The following MYO10 variants were observed in gnomAD, a reference collection of about 807,000 sequenced individuals.
MYO10 encodes the protein unconventional myosin-X.
Under a neutral mutation model 257.3 loss-of-function variants are expected in MYO10, and 133 were observed. The ratio of observed to expected loss-of-function variants is 0.52; its 90% CI spans 0.45 to 0.60. The LOEUF (loss-of-function observed/expected upper bound fraction) is 0.60. Among genes scored for constraint, MYO10 ranks in the 20% least tolerant of loss-of-function variants. MYO10 has a pLI of 0.00. For synonymous variants in MYO10, 1,104 were observed against 1,028.6 expected, an observed-to-expected ratio of 1.07 and a Z score of -1.40; for missense variants, 2,399 against 2,635.7, an observed-to-expected ratio of 0.91 and a Z score of 1.97.
intron 1 of MYO10, among the ~76,000 whole-genome samples, chr5:16,878,998 G>GA (rs921546797): frequency 6.2e-5 from 9 of 144,602 alleles, no homozygotes; most frequent in South Asian, 2.2e-4. Context: ...AAAAAAAAAA[G>GA]AAAAAAAAAG....
chr5:16,876,936 AG>A (rs1365979382), intron 2 of MYO10, among the ~76,000 whole-genome samples: 1 of 152,192 alleles, frequency 6.6e-6, no homozygotes, highest in African/African-American at 2.4e-5. Context: ...GGTCTTTGGC[AG>A]GTGACTTGGT....
intron 15 of MYO10, 30 bp downstream of exon 15, chr5:16,762,515 T>C (rs372498004): frequency 2.4e-5 from 36 of 1,523,858 alleles, no homozygotes; most frequent in Non-Finnish European, 2.9e-5. Context: ...GCTACTCCAA[T>C]GTGATGAAGA....
At chr5:16,833,580 T>C (rs1190192666) in intron 2 of MYO10, among the ~76,000 whole-genome samples, 5 of 152,184 alleles carry the variant, frequency 3.3e-5, no homozygotes, top group Non-Finnish European at 5.9e-5. Context: ...TTTTCAGAGA[T>C]AAGATTTTGG....
intron 3 of MYO10, among the ~76,000 whole-genome samples, chr5:16,810,600 C>T (rs983413): frequency 0.12 from 17,514 of 152,088 alleles, 1,159 homozygotes; most frequent in South Asian, 0.27. Context: ...TCAAGATCAT[C>T]CTGGACAACA....
intron 3 of MYO10, among the ~76,000 whole-genome samples, chr5:16,813,174 C>T (rs1056439663): frequency 2.6e-5 from 4 of 151,966 alleles, no homozygotes; most frequent in Non-Finnish European, 2.9e-5. Flanking sequence ...AACATCCAGA[C>T]GCCAGCAGGG....
chr5:16,699,344 C>G, intron 26 of MYO10, 106 bp downstream of exon 26: 2 of 1,419,806 alleles, frequency 1.4e-6, no homozygotes, highest in Non-Finnish European at 1.9e-6. Flanking sequence ...TCCATCAGCC[C>G]AGATACAATA....
rs777683916 is a variant in MYO10, at chr5:16,701,391, C to T, written c.3004G>A (p.Asp1002Asn). 1.4e-5 allele frequency: 22 copies of T among 1,613,880 alleles called. No homozygotes were observed. Among genetic ancestry groups the T allele is most frequent in the South Asian group, 3.3e-5 (3 of 91,084 alleles). ...GGGTTGGGGGAGTCCTTGAAGGCGT[C>T]GTCGTCGGCTTCGAAGCCCTCATCG... ...EVDEGFEADD[D>N]AFKDSPNPSE... is the part of the protein sequence containing the mutation. The change falls in exon 25 of 41, where the codon GAC becomes AAC. Residue 1002 changes from aspartate to asparagine, a missense_variant. Physicochemically the swap from Asp to Asn is conservative, Grantham distance 23. Transcript: ENST00000513610. This position sits in a 1 kb window ranked among gnomAD's most constrained non-coding sequence, Gnocchi z 8.1.
intron 2 of MYO10, among the ~76,000 whole-genome samples, chr5:16,819,200 T>C (rs189017070): frequency 6.6e-6 from 1 of 152,192 alleles, no homozygotes; most frequent in Non-Finnish European, 1.5e-5. Context: ...AAAATAAAAT[T>C]GGTTTTTTTG....
In MYO10 at chr5:16,699,431, A is replaced by G. The variant is rs368203674; in HGVS notation, c.3556+19T>C. 1.9e-6 allele frequency: 3 copies of G among 1,612,388 alleles called. No homozygotes were observed. Among genetic ancestry groups the G allele is most frequent in the African/African-American group, 1.3e-5 (1 of 74,892 alleles). On this transcript the variant is annotated intron_variant, in intron 26 of 40. Coordinates refer to ENST00000513610, the MANE Select transcript of MYO10 (RefSeq NM_012334.3). ...TCGCTCTCCCCCTAACCCAGACTCC[A>G]TGGCGGCTGCAGTCATACCTTTCAT...
intron 21 of MYO10, 30 bp from the exon 22 acceptor site, chr5:16,704,715 C>T: frequency 6.4e-7 from 1 of 1,565,492 alleles, no homozygotes; most frequent in South Asian, 1.1e-5. Flanking sequence ...ATGTCAGAAG[C>T]AAAGAACATG....
intron 3 of MYO10, among the ~76,000 whole-genome samples, chr5:16,810,600 C>G (rs983413): frequency 6.6e-6 from 1 of 152,020 alleles, no homozygotes; most frequent in Non-Finnish European, 1.5e-5. Context: ...TCAAGATCAT[C>G]CTGGACAACA....
At chr5:16,781,636 A>C in intron 6 of MYO10, 69 bp downstream of exon 6, 1 of 1,438,680 alleles carries the variant, frequency 7.0e-7, no homozygotes, top group Non-Finnish European at 9.5e-7. Context: ...TTCAATCCTT[A>C]TAATTAGTGA....
rs758200695 is a variant in MYO10, at chr5:16,764,403, G to A, written c.1180-7C>T. 1 of 1,613,654 alleles carries A rather than the reference G, an allele frequency of 6.2e-7. No individual in the cohort carries two copies. Among genetic ancestry groups the A allele is most frequent in the South Asian group, 1.1e-5 (1 of 91,012 alleles). On this transcript the variant is annotated splice_polypyrimidine_tract_variant and splice_region_variant and intron_variant, in intron 11 of 40. Coordinates refer to ENST00000513610, the MANE Select transcript of MYO10 (RefSeq NM_012334.3). ...AGTCCCTGCTGTCTACTGCCTGTGG[G>A]AGAGAAACCAGCACAGACTCAGCTG...
At chr5:16,928,485 C>T (rs1302052923) in intron 1 of MYO10, among the ~76,000 whole-genome samples, 1 of 151,972 alleles carries the variant, frequency 6.6e-6, no homozygotes, top group Non-Finnish European at 1.5e-5. Context: ...GAGCACATGG[C>T]CCTAAGTGCT....
intron 14 of MYO10, 53 bp from the exon 15 acceptor site, chr5:16,762,690 T>C (rs895903697): frequency 1.5e-6 from 2 of 1,353,246 alleles, no homozygotes; most frequent in Non-Finnish European, 2.1e-6. Context: ...GCTGGGTGCA[T>C]GGGTAGCTCA....
At chr5:16,906,850 G>A (rs1227136647) in intron 1 of MYO10, among the ~76,000 whole-genome samples, 2 of 152,148 alleles carry the variant, frequency 1.3e-5, no homozygotes, top group Non-Finnish European at 2.9e-5. Flanking sequence ...GGTGGCTCAC[G>A]CCTGTAATCC....
At chr5:16,924,205 A>G (rs922881) in intron 1 of MYO10, among the ~76,000 whole-genome samples, 70,889 of 152,106 alleles carry the variant, frequency 0.47, 16,848 homozygotes, top group South Asian at 0.53. Context: ...GAACATCAAC[A>G]ACCACGCTGG....
chr5:16,824,157 C>T (rs1180070184), intron 2 of MYO10, among the ~76,000 whole-genome samples: 1 of 152,130 alleles, frequency 6.6e-6, no homozygotes, highest in Non-Finnish European at 1.5e-5. Context: ...GTCTTAAAAC[C>T]TAACTTTTCC....
intron 2 of MYO10, among the ~76,000 whole-genome samples, chr5:16,857,582 A>C (rs1422970041): frequency 6.6e-6 from 1 of 152,232 alleles, no homozygotes; most frequent in Non-Finnish European, 1.5e-5. Context: ...CTGAATCAGA[A>C]GCTCTGGATT....
Sources: gnomAD v4.1 joint callset for allele counts (sites outside exome capture counted in the v4.1 genomes callset) on GRCh38, gnomAD v4.1.1 for gene constraint, Gnocchi (gnomAD v3.1) non-coding constraint, MANE v1.5 for transcripts, NCBI Gene and HGNC (gene_info 2026-07-23, HGNC 2026-07-21) for gene names.